The following RAB27B variants were observed in gnomAD, a reference collection of about 807,000 sequenced individuals.
RAB27B encodes the protein RAB27B, member RAS oncogene family, also known as ras-related protein Rab-27B.
RAB27B carries 15 observed loss-of-function variants against 24.6 expected under a neutral mutation model. That is an observed-to-expected ratio of 0.61 (90% CI 0.41 to 0.94). RAB27B has a LOEUF of 0.94. Ranked by LOEUF, RAB27B falls within the 40% of genes least tolerant of loss-of-function variation. The probability of loss-of-function intolerance (pLI) is 0.00; values close to 1 mark genes in which losing one functional copy is unlikely to be tolerated. For synonymous variants in RAB27B, 105 were observed against 92.5 expected (o/e 1.14, Z -0.78); for missense variants, 261 against 266.8 (o/e 0.98, Z 0.15).
intron 1 of RAB27B, among the ~76,000 whole-genome samples, chr18:54,844,994 C>T (rs536999204): frequency 6.6e-6 from 1 of 152,140 alleles, no homozygotes; most frequent in Admixed American, 6.5e-5. Context: ...TCTGATGTGT[C>T]GACTTTTACT....
At chr18:54,780,930 T>C (rs567916495) in intron 2 of RAB27B, among the ~76,000 whole-genome samples, 1 of 152,298 alleles carries the variant, frequency 6.6e-6, no homozygotes, top group African/African-American at 2.4e-5. Flanking sequence ...TTAGTAGTGT[T>C]CTACATAGCC....
chr18:54,817,329 C>T (rs1477297487), intron 2 of RAB27B, among the ~76,000 whole-genome samples: 1 of 152,044 alleles, frequency 6.6e-6, no homozygotes, highest in Non-Finnish European at 1.5e-5. Context: ...TGGAGTAAAA[C>T]CCAAGGCTTT....
chr18:54,801,343 A>T (rs1216104676), intron 2 of RAB27B, among the ~76,000 whole-genome samples: 1 of 151,910 alleles, frequency 6.6e-6, no homozygotes. Context: ...TAGTTTTTCA[A>T]CATTCTAAAA....
chr18:54,733,703 T>C (rs1298276063), intron 2 of RAB27B, among the ~76,000 whole-genome samples: 1 of 140,560 alleles, frequency 7.1e-6, no homozygotes, highest in Non-Finnish European at 1.5e-5. Context: ...GTTTACTTCT[T>C]TCCTATTCCC....
At chr18:54,853,880 T>C (rs1449946198) in intron 1 of RAB27B, among the ~76,000 whole-genome samples, 1 of 152,202 alleles carries the variant, frequency 6.6e-6, no homozygotes, top group Non-Finnish European at 1.5e-5. Context: ...TTCCACCCTC[T>C]ATCATTTGTA....
At chr18:54,864,195 C>T (rs149371428) in intron 1 of RAB27B, among the ~76,000 whole-genome samples, 2 of 152,292 alleles carry the variant, frequency 1.3e-5, no homozygotes, top group Non-Finnish European at 2.9e-5. Flanking sequence ...CTCTTTATAC[C>T]CATCCTTCTG....
intron 1 of RAB27B, among the ~76,000 whole-genome samples, chr18:54,863,183 G>A (rs12969921): frequency 0.97 from 147,949 of 152,266 alleles, 72,013 homozygotes; most frequent in East Asian, 1. Context: ...AAGTATATAT[G>A]TGATTAAATA....
chr18:54,881,940 T>G (rs148377834), intron 3 of RAB27B, among the ~76,000 whole-genome samples: 134 of 152,212 alleles, frequency 8.8e-4, no homozygotes, highest in Admixed American at 3.0e-3. Context: ...CACACACACT[T>G]AAGGAGAGAA....
rs180981052 is a variant in RAB27B, at chr18:54,736,497, T to A, written c.-20+18356T>A. On this transcript the variant is annotated intron_variant, in intron 2 of 4. Transcript: ENST00000586570. ...AAAAAAAAAAGGCTATTAATAGCTA[T>A]TAGGTGCCTATTACATGAACAAGAT... Among the ~76,000 whole-genome samples the A allele has an allele frequency of 3.3e-5, 5 of 152,220 alleles. No homozygotes were observed. The East Asian group carries it at 9.6e-4, about 29-fold the overall frequency.
intron 2 of RAB27B, among the ~76,000 whole-genome samples, chr18:54,813,734 A>G (rs1019121526): frequency 1.3e-5 from 2 of 152,228 alleles, no homozygotes; most frequent in African/African-American, 2.4e-5. Context: ...AGCAACATAA[A>G]CAGACTAACA....
At chr18:54,794,659 A>T (rs1030122572) in intron 2 of RAB27B, among the ~76,000 whole-genome samples, 1 of 152,198 alleles carries the variant, frequency 6.6e-6, no homozygotes, top group African/African-American at 2.4e-5. Context: ...CACGTAAAAA[A>T]TCTTAATTCC....
At position 54,818,847 on chromosome 18, in the gene RAB27B, C is replaced by A. The variant is rs188792798; in HGVS notation, c.-19-58720C>A. ...CTAATCGTGTTTTTTAAAATAAATT[C>A]TCATAAAACTCATCTCTTCTGTTAA... On this transcript the variant is annotated intron_variant, in intron 2 of 4. Transcript: ENST00000586570. Among the ~76,000 whole-genome samples, 5 of 152,182 alleles carry A rather than the reference C, an allele frequency of 3.3e-5. No individual in the cohort carries two copies. The East Asian group carries it at 5.8e-4, about 18-fold the overall frequency.
chr18:54,718,814 C>A (rs1909271126), intron 2 of RAB27B, among the ~76,000 whole-genome samples: 1 of 152,082 alleles, frequency 6.6e-6, no homozygotes, highest in African/African-American at 2.4e-5. Context: ...ATGGAAAATT[C>A]TTTTTGAGTA....
chr18:54,832,665 G>A (rs1341284289), intron 1 of RAB27B, among the ~76,000 whole-genome samples: 2 of 152,160 alleles, frequency 1.3e-5, no homozygotes, highest in South Asian at 2.1e-4. Flanking sequence ...CCTTGTATGG[G>A]AGGAGTCAGT....
intron 2 of RAB27B, among the ~76,000 whole-genome samples, chr18:54,761,745 G>A (rs981477079): frequency 4.6e-5 from 7 of 152,174 alleles, no homozygotes; most frequent in Non-Finnish European, 2.9e-5. Context: ...TAAAATAGAA[G>A]CACTTGTGTG....
chr18:54,877,852 C>G (rs1267217910), intron 2 of RAB27B, 114 bp downstream of exon 2: 1 of 1,078,458 alleles, frequency 9.3e-7, no homozygotes, highest in African/African-American at 1.7e-5. Context: ...AAATTCATAA[C>G]CTGTCATTTT....
chr18:54,732,597 A>G (rs1363361488), intron 2 of RAB27B, among the ~76,000 whole-genome samples: 1 of 152,244 alleles, frequency 6.6e-6, no homozygotes, highest in Non-Finnish European at 1.5e-5. Flanking sequence ...CTCTCAGGAA[A>G]TATATAATCA....
At chr18:54,770,188 C>A (rs1470065141) in intron 2 of RAB27B, among the ~76,000 whole-genome samples, 2 of 152,142 alleles carry the variant, frequency 1.3e-5, no homozygotes, top group Non-Finnish European at 2.9e-5. Flanking sequence ...GTTGCCAACA[C>A]CTGGGACATG....
chr18:54,882,624 G>A (rs981496191), intron 3 of RAB27B, among the ~76,000 whole-genome samples: 4 of 152,168 alleles, frequency 2.6e-5, no homozygotes, highest in African/African-American at 9.7e-5. Flanking sequence ...CAACGAAGGG[G>A]TAGGAAGAAA....
Sources: allele counts gnomAD v4.1 joint callset (sites outside exome capture counted in the v4.1 genomes callset), GRCh38; gene constraint gnomAD v4.1.1; transcripts MANE v1.5; gene names NCBI Gene and HGNC (gene_info 2026-07-23, HGNC 2026-07-21).